The following DSCAML1 variants were observed in gnomAD, a reference collection of about 807,000 sequenced individuals.
DSCAML1 encodes the protein cell adhesion molecule DSCAML1.
A neutral mutation model predicts 200.5 loss-of-function variants in DSCAML1; 38 were observed. The observed-to-expected ratio is 0.19, with a 90% CI of 0.15 to 0.25. The LOEUF (loss-of-function observed/expected upper bound fraction) is 0.25. Ranked by LOEUF, DSCAML1 falls within the 10% of genes least tolerant of loss-of-function variation. DSCAML1 has a pLI of 1.00. For missense variants in DSCAML1, 2,223 were observed against 2,858.8 expected (o/e 0.78, Z 5.07); for synonymous variants, 1,215 against 1,165.0 (o/e 1.04, Z -0.87).
At chr11:117,499,294 A>T (rs1210077501) in intron 11 of DSCAML1, among the ~76,000 whole-genome samples, 2 of 152,104 alleles carry the variant, frequency 1.3e-5, no homozygotes, top group African/African-American at 4.8e-5. Flanking sequence ...ATTTTCAACC[A>T]AGTTCTGGGA....
Position 117,469,426 on chromosome 11 carries a change from C to G in DSCAML1, c.3024+484G>C, listed in dbSNP as rs1425873977. ...AAGTGACAGATGCTTCAGTCACCCC[C>G]TATATTTTACAGGTCTTTGCCCTTA... is the stretch of plus-strand genomic sequence containing the variant. On this transcript the variant is annotated intron_variant, in intron 16 of 32. Coordinates refer to ENST00000651296, the MANE Select transcript of DSCAML1 (RefSeq NM_020693.4). This position sits in a 1 kb window ranked among gnomAD's most constrained non-coding sequence, Gnocchi z 4.1. Among the ~76,000 whole-genome samples, 3 of 152,178 alleles carry G rather than the reference C, an allele frequency of 2.0e-5. No individual in the cohort carries two copies. The highest frequency in any genetic ancestry group is 7.2e-5 in the African/African-American group (3 of 41,426).
At chr11:117,756,748 C>T (rs941178288) in intron 3 of DSCAML1, among the ~76,000 whole-genome samples, 2 of 151,958 alleles carry the variant, frequency 1.3e-5, no homozygotes, top group Non-Finnish European at 2.9e-5. Flanking sequence ...CCAGATGGTG[C>T]TGGTGGAAAC....
chr11:117,434,820 C>CCATT (rs772241916), intron 27 of DSCAML1, among the ~76,000 whole-genome samples: 4 of 152,208 alleles, frequency 2.6e-5, no homozygotes, highest in Non-Finnish European at 5.9e-5. Flanking sequence ...ATCCTTCCAT[C>CCATT]CATTCATCCA....
At chr11:117,565,323 C>T (rs1156405973) in intron 3 of DSCAML1, among the ~76,000 whole-genome samples, 1 of 152,168 alleles carries the variant, frequency 6.6e-6, no homozygotes. Context: ...ATGTCAGAAA[C>T]AGTTGAATGT....
At chr11:117,665,641 T>C (rs1383816043) in intron 3 of DSCAML1, among the ~76,000 whole-genome samples, 1 of 152,130 alleles carries the variant, frequency 6.6e-6, no homozygotes, top group African/African-American at 2.4e-5. Flanking sequence ...ATTTTACAGA[T>C]GAGGAGACTG....
At chr11:117,566,356 C>CTTTTCTTTCTCTCTCTCTCTCTCTCT in intron 3 of DSCAML1, among the ~76,000 whole-genome samples, 1 of 120,356 alleles carries the variant, frequency 8.3e-6, no homozygotes. Flanking sequence ...CTCTCTCTCT[C>CTTTTCTTTCTCTCTCTCTCTCTCTCT]TTTTTTTTTT....
At chr11:117,662,926 A>C (rs940776045) in intron 3 of DSCAML1, among the ~76,000 whole-genome samples, 1 of 152,204 alleles carries the variant, frequency 6.6e-6, no homozygotes, top group Non-Finnish European at 1.5e-5. Flanking sequence ...GCCAGGCGGC[A>C]TTTAAATAAA....
At chr11:117,539,484 T>C (rs1316178334) in intron 3 of DSCAML1, among the ~76,000 whole-genome samples, 1 of 151,664 alleles carries the variant, frequency 6.6e-6, no homozygotes, top group Non-Finnish European at 1.5e-5. Flanking sequence ...GGTGGGTGCC[T>C]GTAATCCCAG....
At chr11:117,565,601 G>A (rs2050742663) in intron 3 of DSCAML1, among the ~76,000 whole-genome samples, 1 of 152,222 alleles carries the variant, frequency 6.6e-6, no homozygotes, top group African/African-American at 2.4e-5. Flanking sequence ...CTAAGATCCT[G>A]GATGAGTGTC....
intron 19 of DSCAML1, among the ~76,000 whole-genome samples, chr11:117,453,831 C>T (rs1009134252): frequency 3.3e-5 from 5 of 151,362 alleles, no homozygotes; most frequent in African/African-American, 1.2e-4. Flanking sequence ...GCAACCTCCG[C>T]CTCCTGGGTT....
intron 5 of DSCAML1, among the ~76,000 whole-genome samples, chr11:117,522,225 C>T (rs7941258): frequency 0.038 from 5,818 of 152,292 alleles, 171 homozygotes; most frequent in East Asian, 0.12. Context: ...CCTTCCTGGA[C>T]ATCACTCTCC....
intron 3 of DSCAML1, among the ~76,000 whole-genome samples, chr11:117,722,202 G>A (rs540791130): frequency 4.6e-5 from 7 of 152,186 alleles, no homozygotes; most frequent in Admixed American, 6.5e-5. Context: ...AAAACTTGAG[G>A]GTGGAAGCCA....
chr11:117,808,855 G>A (rs970472366), intron 1 of DSCAML1, among the ~76,000 whole-genome samples: 3 of 152,088 alleles, frequency 2.0e-5, no homozygotes, highest in African/African-American at 4.8e-5. Flanking sequence ...ACTTTGTGGC[G>A]TACATATCTC....
intron 3 of DSCAML1, chr11:117,709,768 C>T: frequency 2.2e-6 from 1 of 454,516 alleles, no homozygotes; most frequent in South Asian, 1.6e-5. Context: ...AGTCTCCTGA[C>T]CCATCACCCT....
intron 14 of DSCAML1, 138 bp from the exon 15 acceptor site, chr11:117,472,174 G>A: frequency 1.1e-6 from 1 of 915,878 alleles, no homozygotes; most frequent in Non-Finnish European, 1.7e-6. Flanking sequence ...GAGGGCACAG[G>A]CCTGAACAAC....
chr11:117,547,158 C>T lies in DSCAML1; in HGVS notation c.512-14636G>A, dbSNP rs190848137. ...AATAAGCCTCTTTATTCCCGGCCCT[C>T]GTCCGCTGCACATGGCAGAGCCCAG... On this transcript the variant is annotated intron_variant, in intron 3 of 32. Coordinates refer to ENST00000651296, the MANE Select transcript of DSCAML1 (RefSeq NM_020693.4). Among the ~76,000 whole-genome samples, 297 of 152,290 alleles carry T rather than the reference C, an allele frequency of 2.0e-3. 2 individuals are homozygous for T. The highest frequency in any genetic ancestry group is 3.3e-3 in the Non-Finnish European group (225 of 68,018).
In DSCAML1 at chr11:117,430,914, T is replaced by C. The variant is rs1466252151; in HGVS notation, c.5494A>G (p.Thr1832Ala). ...GAACTGTCAGAGATGAAGCACTCGG[T>C]GATCTCAAACTTGGCGTGCTGCAGC... ...EQLQHAKFEITECFISDSSSD... is the reference protein window; with the variant it reads ...EQLQHAKFEIAECFISDSSSD... The change falls in exon 32 of 33, where the codon ACC becomes GCC. Residue 1832 changes from threonine to alanine, a missense_variant. Thr to Ala is a moderately conservative substitution (Grantham distance 58). This residue lies in a region of DSCAML1 where 96 missense variants were observed against 160.7 expected (regional missense o/e 0.60). Coordinates refer to ENST00000651296, the MANE Select transcript of DSCAML1 (RefSeq NM_020693.4). 6.2e-7 allele frequency: 1 copy of C among 1,614,172 alleles called. No homozygotes were observed. The highest frequency in any genetic ancestry group is 1.1e-5 in the South Asian group (1 of 91,084).
chr11:117,435,048 A>C (rs935778623), intron 27 of DSCAML1, among the ~76,000 whole-genome samples: 12 of 152,230 alleles, frequency 7.9e-5, no homozygotes, highest in African/African-American at 2.9e-4. Context: ...AAGTTTTCCA[A>C]ATAAGTGAAA....
At position 117,643,782 on chromosome 11, in the gene DSCAML1, C is replaced by G. The variant is rs114310858; in HGVS notation, c.512-111260G>C. Among the ~76,000 whole-genome samples, 1,114 of 152,314 alleles carry G rather than the reference C, an allele frequency of 7.3e-3. 14 individuals are homozygous for G. Among genetic ancestry groups the G allele is most frequent in the African/African-American group, 0.025 (1,032 of 41,574 alleles). On this transcript the variant is annotated intron_variant, in intron 3 of 32. Transcript: ENST00000651296. ...CCAGCACTTATACCGCCGTCATCACCATCAGGCTCCAGTGTCCTCACACAT... is the reference window on the plus strand; with the variant it reads ...CCAGCACTTATACCGCCGTCATCACGATCAGGCTCCAGTGTCCTCACACAT...
Sources: allele counts gnomAD v4.1 joint callset (sites outside exome capture counted in the v4.1 genomes callset), GRCh38; gene constraint gnomAD v4.1.1; regional missense constraint gnomAD v4.1.1; non-coding constraint Gnocchi (gnomAD v3.1); transcripts MANE v1.5; gene names NCBI Gene and HGNC (gene_info 2026-07-23, HGNC 2026-07-21).